The following MRGPRX3 variants were observed in gnomAD, a reference collection of about 807,000 sequenced individuals.
MRGPRX3 encodes the protein MAS related GPR family member X3.
MRGPRX3 carries 14 observed loss-of-function variants against 16.5 expected under a neutral mutation model. The observed-to-expected ratio is 0.85, with a 90% CI of 0.56 to 1.33. The LOEUF (loss-of-function observed/expected upper bound fraction) is 1.33, where lower values mean the gene tolerates loss of function less well. MRGPRX3 is among the 40% of genes most tolerant of loss of function. The probability of loss-of-function intolerance (pLI) is 0.00; values close to 1 mark genes in which losing one functional copy is unlikely to be tolerated. For synonymous variants in MRGPRX3, 199 were observed against 180.1 expected (o/e 1.10, Z -0.84); for missense variants, 449 against 413.0 (o/e 1.09, Z -0.76).
chr11:18,135,132 C>T (rs2134085036), intron 1 of MRGPRX3, among the ~76,000 whole-genome samples: 1 of 152,256 alleles, frequency 6.6e-6, no homozygotes, highest in East Asian at 1.9e-4. Flanking sequence ...ACCAGGAAAA[C>T]CCTTTAATTC....
intron 1 of MRGPRX3, among the ~76,000 whole-genome samples, chr11:18,126,738 G>A (rs748058087): frequency 3.9e-5 from 6 of 151,980 alleles, no homozygotes; most frequent in East Asian, 1.9e-4. Flanking sequence ...GAGAATATGC[G>A]GTGTTTGGTT....
Position 18,137,930 on chromosome 11 carries a change from A to T in MRGPRX3, c.728A>T (p.His243Leu), listed in dbSNP as rs1343677509. The part of the protein sequence containing the change: ...GIQWALFSRI[H>L]LDWKVLFCHV... ...CAGTGGGCCCTGTTTTCCAGGATCCACCTGGATTGGAAAGTCTTATTTTGT... is the reference window on the plus strand; with the variant it reads ...CAGTGGGCCCTGTTTTCCAGGATCCTCCTGGATTGGAAAGTCTTATTTTGT... The change falls in exon 2 of 2, where the codon CAC becomes CTC. Residue 243 changes from histidine (H) to leucine (L), a missense_variant. Coordinates refer to ENST00000621697, the MANE Select transcript of MRGPRX3 (RefSeq NM_001370464.1). 6.2e-7 allele frequency: 1 copy of T among 1,612,896 alleles called. No individual in the cohort carries two copies. Among genetic ancestry groups the T allele is most frequent in the African/African-American group, 1.3e-5 (1 of 74,552 alleles).
At chr11:18,123,264 T>C (rs1848858488) in intron 1 of MRGPRX3, among the ~76,000 whole-genome samples, 1 of 152,114 alleles carries the variant, frequency 6.6e-6, no homozygotes, top group South Asian at 2.1e-4. Context: ...TCCTTGCCCA[T>C]GCCTATGTCC....
At chr11:18,136,775 T>C (rs1319589611) in intron 1 of MRGPRX3, among the ~76,000 whole-genome samples, 2 of 152,194 alleles carry the variant, frequency 1.3e-5, no homozygotes, top group African/African-American at 4.8e-5. Flanking sequence ...TCATAATGCA[T>C]GATCTTTTTT....
chr11:18,129,766 A>C (rs1848941701), upstream of MRGPRX3, among the ~76,000 whole-genome samples: 1 of 152,216 alleles, frequency 6.6e-6, no homozygotes. Context: ...ATGAATATAC[A>C]TGCAGAAATC....
rs1375853953 is a variant in MRGPRX3 at position 18,132,639 on chromosome 11, G to A, written c.-126G>A. ...CTCCTGTAGGCATCTCCTGAATTAA[G>A]CAACACAGAAAAGTCCTCTGAAGTC... On this transcript the variant is annotated 5_prime_UTR_variant, in exon 1 of 2. Transcript: ENST00000621697. 1 of 152,214 alleles carries A rather than the reference G, an allele frequency of 6.6e-6. No individual in the cohort carries two copies. The highest frequency in any genetic ancestry group is 2.4e-5 in the African/African-American group (1 of 41,444). The allele number at this position is 152,214 out of a possible 1,614,324, so 9.4% of individuals were successfully genotyped here.
chr11:18,131,894 G>A (rs73432047), upstream of MRGPRX3, among the ~76,000 whole-genome samples: 2,799 of 152,054 alleles, frequency 0.018, 78 homozygotes, highest in African/African-American at 0.063. Context: ...AATGAACTCT[G>A]GGGACTTGAG....
intron 1 of MRGPRX3, among the ~76,000 whole-genome samples, chr11:18,127,390 C>T (rs1424336864): frequency 1.3e-5 from 2 of 152,168 alleles, no homozygotes; most frequent in Non-Finnish European, 2.9e-5. Flanking sequence ...CCATTCTCCC[C>T]GTCACTTTCA....
chr11:18,122,649 G>A (rs888237396), intron 1 of MRGPRX3, among the ~76,000 whole-genome samples: 2 of 152,118 alleles, frequency 1.3e-5, no homozygotes, highest in African/African-American at 4.8e-5. Flanking sequence ...ATAAACATAC[G>A]TGTGCATGTG....
rs1272364709 is a variant in MRGPRX3 at position 18,121,462 on chromosome 11, A to AGCCCCCC, written c.-152+303_-152+309dup. ...CGACCGGGAGGGAGGTGGGGGGGTT[A>AGCCCCCC]GCCCCCCGCCCGGCCAGCCGCCCCG... On this transcript the variant is annotated intron_variant, in intron 1 of 2. Coordinates refer to the MRGPRX3 transcript ENST00000396275. 7.3e-3 allele frequency among the ~76,000 whole-genome samples: 1,100 copies of AGCCCCCC among 151,434 alleles called. 14 individuals are homozygous for AGCCCCCC. The highest frequency in any genetic ancestry group is 0.024 in the African/African-American group (1,005 of 41,202).
intron 1 of MRGPRX3, among the ~76,000 whole-genome samples, chr11:18,134,096 TA>T (rs1209732572): frequency 6.6e-6 from 1 of 152,254 alleles, no homozygotes; most frequent in African/African-American, 2.4e-5. Flanking sequence ...CAGACTACTT[TA>T]ATGTTTGGCT....
chr11:18,131,595 CT>C (rs1848961195), upstream of MRGPRX3, among the ~76,000 whole-genome samples: 1 of 152,080 alleles, frequency 6.6e-6, no homozygotes, highest in African/African-American at 2.4e-5. Context: ...GGAATGTAAA[CT>C]TGCGCAACCA....
intron 1 of MRGPRX3, among the ~76,000 whole-genome samples, chr11:18,136,908 C>G (rs1849011819): frequency 6.6e-6 from 1 of 152,184 alleles, no homozygotes; most frequent in African/African-American, 2.4e-5. Flanking sequence ...GTCCACAGCA[C>G]TGGCTAGATG....
At chr11:18,135,740 C>T (rs560079971) in intron 1 of MRGPRX3, among the ~76,000 whole-genome samples, 75 of 152,070 alleles carry the variant, frequency 4.9e-4, no homozygotes, top group South Asian at 3.1e-3. Context: ...TCTACTTTAC[C>T]CCCCTCTAAC....
chr11:18,130,686 G>A (rs1590305429), upstream of MRGPRX3, among the ~76,000 whole-genome samples: 10 of 94,120 alleles, frequency 1.1e-4, no homozygotes, highest in Admixed American at 1.4e-4. Flanking sequence ...AATTCATATG[G>A]AACAACAACC....
At chr11:18,121,633 CTT>C (rs1198762366) in intron 1 of MRGPRX3, among the ~76,000 whole-genome samples, 9 of 152,244 alleles carry the variant, frequency 5.9e-5, no homozygotes, top group African/African-American at 2.4e-5. Context: ...ACATGGGAGA[CTT>C]TTCATTTTGT....
In MRGPRX3 at chr11:18,137,576, T is replaced by A. The variant is rs747161948; in HGVS notation, c.374T>A (p.Leu125Gln). The stretch of plus-strand genomic sequence containing the variant: ...AGCACCGAGCGCTGCCTGTCCATCC[T>A]GTGGCCCATCTGGTACCACTGCCGC... ...AISTERCLSI[L>Q]WPIWYHCRRP... Residue 125 changes from leucine (L) to glutamine (Q), a missense_variant, in exon 2 of 2, where the codon CTG (leucine) becomes CAG (glutamine). Transcript: ENST00000621697. The A allele has an allele frequency of 6.2e-7, 1 of 1,614,056 alleles. No homozygotes were observed. Among genetic ancestry groups the A allele is most frequent in the Non-Finnish European group, 8.5e-7 (1 of 1,180,058 alleles).
chr11:18,130,043 G>T (rs906996472), upstream of MRGPRX3, among the ~76,000 whole-genome samples: 2 of 152,134 alleles, frequency 1.3e-5, no homozygotes, highest in African/African-American at 4.8e-5. Flanking sequence ...TGTAATAAAA[G>T]CCATATATGA....
rs557220512 is a variant in MRGPRX3, at chr11:18,125,131, A to G, written c.-152+3967A>G. On this transcript the variant is annotated intron_variant, in intron 1 of 2. Coordinates refer to the MRGPRX3 transcript ENST00000396275. ...TCTATCAATTTTGTTGATCTTTTCA[A>G]AAAAACAGCTCCTGGATTCATTGAT... is the stretch of plus-strand genomic sequence containing the variant. Among the ~76,000 whole-genome samples the G allele has an allele frequency of 2.3e-3, 297 of 130,242 alleles. 1 individual carries two copies. The highest frequency in any genetic ancestry group is 1.2e-3 in the Non-Finnish European group (68 of 56,178). 85.4% of individuals were successfully genotyped at this position (130,242 alleles called of 152,430 possible).
Sources: gnomAD v4.1 joint callset for allele counts (sites outside exome capture counted in the v4.1 genomes callset) on GRCh38, gnomAD v4.1.1 for gene constraint, MANE v1.5 for transcripts, NCBI Gene and HGNC (gene_info 2026-07-23, HGNC 2026-07-21) for gene names.